PTPRN2: variants seen among roughly 807,000 people sequenced by gnomAD.
PTPRN2 encodes receptor-type tyrosine-protein phosphatase N2.
In PTPRN2, 74 loss-of-function variants were observed where a neutral mutation model predicts 118.8. The ratio of observed to expected loss-of-function variants is 0.62; its 90% confidence interval spans 0.52 to 0.76. The LOEUF (loss-of-function observed/expected upper bound fraction) is 0.76, where lower values mean the gene tolerates loss of function less well. Ranked by LOEUF, PTPRN2 falls within the 30% of genes least tolerant of loss-of-function variation. The pLI is 0.00. For missense variants in PTPRN2, 1,481 were observed against 1,394.4 expected, an observed-to-expected ratio of 1.06 and a Z score of -0.99; for synonymous variants, 641 against 608.0, an observed-to-expected ratio of 1.05 and a Z score of -0.80.
At chr7:158,398,672 C>T (rs1812713562) in intron 2 of PTPRN2, among the ~76,000 whole-genome samples, 1 of 152,182 alleles carries the variant, frequency 6.6e-6, no homozygotes, top group African/African-American at 2.4e-5. Flanking sequence ...TTCTACTCCC[C>T]AGAGGTAAGC....
At position 157,619,126 on chromosome 7, in the gene PTPRN2, A is replaced by G. The variant is rs1585121134; in HGVS notation, c.2344+2236T>C. 6.7e-6 allele frequency among the ~76,000 whole-genome samples: 1 copy of G among 150,136 alleles called. No homozygotes were observed. Among genetic ancestry groups the G allele is most frequent in the African/African-American group, 2.5e-5 (1 of 40,630 alleles). ...ACCATCACTAGGTCCCTCGCCCCCA[A>G]CCCCCCCATCCACACTGTACAGACA... On this transcript the variant is annotated intron_variant, in intron 15 of 22. Coordinates refer to ENST00000389418, the MANE Select transcript of PTPRN2 (RefSeq NM_002847.5). The surrounding 1 kb of genome is among the most constrained non-coding windows in gnomAD (Gnocchi z 5.3).
intron 14 of PTPRN2, among the ~76,000 whole-genome samples, chr7:157,625,979 C>T (rs1224095778): frequency 1.3e-5 from 2 of 152,168 alleles, no homozygotes; most frequent in Non-Finnish European, 2.9e-5. Context: ...ACCTTCATTT[C>T]AGCTTTGGAC....
chr7:157,888,231 G>C (rs764229329), intron 12 of PTPRN2, among the ~76,000 whole-genome samples: 4 of 151,998 alleles, frequency 2.6e-5, no homozygotes, highest in Non-Finnish European at 5.9e-5. Flanking sequence ...GTCCCCCCAG[G>C]CTTCTATCCT....
chr7:157,697,018 G>C (rs1797825081), intron 12 of PTPRN2, among the ~76,000 whole-genome samples: 1 of 83,058 alleles, frequency 1.2e-5, no homozygotes, highest in Non-Finnish European at 2.3e-5. Flanking sequence ...ATCTACCCAT[G>C]CATACTGGTT....
At chr7:158,128,311 T>C (rs1012629521) in intron 9 of PTPRN2, among the ~76,000 whole-genome samples, 2 of 152,150 alleles carry the variant, frequency 1.3e-5, no homozygotes, top group Non-Finnish European at 2.9e-5. Context: ...GCTCAAGCAG[T>C]ACAAATTGCT....
At chr7:157,626,938 T>C (rs1803618038) in intron 14 of PTPRN2, among the ~76,000 whole-genome samples, 1 of 152,250 alleles carries the variant, frequency 6.6e-6, no homozygotes, top group East Asian at 1.9e-4. Flanking sequence ...AACATCACTG[T>C]AACTCATGAC....
chr7:157,564,655 A>G (rs1799392758), intron 21 of PTPRN2, among the ~76,000 whole-genome samples: 1 of 152,266 alleles, frequency 6.6e-6, no homozygotes, highest in African/African-American at 2.4e-5. Flanking sequence ...TCAAGTTGAT[A>G]TACAAATGGC....
intron 3 of PTPRN2, among the ~76,000 whole-genome samples, chr7:158,230,314 T>C (rs574380637): frequency 4.6e-5 from 7 of 152,188 alleles, no homozygotes; most frequent in South Asian, 2.1e-4. Flanking sequence ...TATTTGAAGG[T>C]ATAAAACACA....
intron 11 of PTPRN2, among the ~76,000 whole-genome samples, chr7:157,900,326 A>T (rs1797369404): frequency 6.6e-6 from 1 of 152,188 alleles, no homozygotes; most frequent in Admixed American, 6.5e-5. Context: ...ACCTTTATTT[A>T]CAACAGCAGA....
Position 157,669,425 on chromosome 7 carries a change from GCACA to G in PTPRN2, c.2002-12878_2002-12875del, listed in dbSNP as rs5888726. The stretch of plus-strand genomic sequence containing the variant: ...ACAACCCACACACGTGTTTGCACGC[GCACA>G]CACACACACACCCAGGGGAGGATGC... On this transcript the variant is annotated intron_variant, in intron 13 of 22. Transcript: ENST00000389418. The G allele has an allele frequency of 5.2e-5, 22 of 422,150 alleles. No individual in the cohort carries two copies. The Middle Eastern group carries it at 1.1e-3, about 22-fold the overall frequency. The allele number at this position is 422,150 out of a possible 1,614,324, so 26.2% of individuals were successfully genotyped here.
intron 12 of PTPRN2, among the ~76,000 whole-genome samples, chr7:157,710,550 C>A (rs1036771096): frequency 1.3e-5 from 2 of 149,060 alleles, no homozygotes; most frequent in African/African-American, 2.5e-5. Flanking sequence ...GGTCCCGCTG[C>A]AGAAGAACCC....
At chr7:158,567,491 G>C (rs1827731324) in intron 1 of PTPRN2, among the ~76,000 whole-genome samples, 1 of 152,202 alleles carries the variant, frequency 6.6e-6, no homozygotes, top group African/African-American at 2.4e-5. Context: ...GACTCAGCAG[G>C]CTCTATGCAG....
intron 1 of PTPRN2, among the ~76,000 whole-genome samples, chr7:158,559,000 G>T (rs1477335398): frequency 6.6e-6 from 1 of 152,086 alleles, no homozygotes; most frequent in Non-Finnish European, 1.5e-5. Context: ...GGGCCACACT[G>T]GGGGGTCCAG....
chr7:157,795,317 C>T (rs1804803305), intron 12 of PTPRN2, among the ~76,000 whole-genome samples: 1 of 152,218 alleles, frequency 6.6e-6, no homozygotes, highest in Non-Finnish European at 1.5e-5. Context: ...ACCTATGCAC[C>T]TGGGAGGCCC....
chr7:157,837,704 C>A (rs1808071148), intron 12 of PTPRN2, among the ~76,000 whole-genome samples: 1 of 152,186 alleles, frequency 6.6e-6, no homozygotes, highest in Non-Finnish European at 1.5e-5. Context: ...ATGACCCTCA[C>A]AAGGACACAG....
At chr7:157,656,674 G>T in intron 13 of PTPRN2, 123 bp from the exon 14 acceptor site, 1 of 1,058,952 alleles carries the variant, frequency 9.4e-7, no homozygotes, top group Non-Finnish European at 1.3e-6. Flanking sequence ...TCAGGCAGGC[G>T]AGAGTTTACC....
chr7:157,833,678 C>T (rs1437430364), intron 12 of PTPRN2, among the ~76,000 whole-genome samples: 1 of 152,220 alleles, frequency 6.6e-6, no homozygotes, highest in African/African-American at 2.4e-5. Flanking sequence ...GAGCAGCTCT[C>T]CTGGGTTTTA....
rs535375408 is a variant in PTPRN2 at position 157,560,498 on chromosome 7, G to C, written c.2902+8404C>G. ...ACCACTGCTCCAACCAGCGTTCGTC[G>C]TCAGCCCCTTACACGGGACAGGGCA... is the stretch of plus-strand genomic sequence containing the variant. On this transcript the variant is annotated intron_variant, in intron 21 of 22. Coordinates refer to ENST00000389418, the MANE Select transcript of PTPRN2 (RefSeq NM_002847.5). The surrounding 1 kb of genome is among the most constrained non-coding windows in gnomAD (Gnocchi z 6.7). Among the ~76,000 whole-genome samples, 3 of 152,146 alleles carry C rather than the reference G, an allele frequency of 2.0e-5. No individual in the cohort carries two copies. The highest frequency in any genetic ancestry group is 2.9e-5 in the Non-Finnish European group (2 of 68,012).
chr7:158,029,592 A>T (rs1248989858), intron 11 of PTPRN2: 1 of 152,442 alleles, frequency 6.6e-6, no homozygotes, highest in Non-Finnish European at 1.5e-5. Context: ...CCACACAGCA[A>T]ATACAGCAAG....
Sources: allele counts gnomAD v4.1 joint callset (sites outside exome capture counted in the v4.1 genomes callset), GRCh38; gene constraint gnomAD v4.1.1; non-coding constraint Gnocchi (gnomAD v3.1); transcripts MANE v1.5; gene names NCBI Gene and HGNC (gene_info 2026-07-23, HGNC 2026-07-21).